EPO: variants seen among roughly 807,000 people sequenced by gnomAD.
EPO encodes the protein erythropoietin.
In EPO, 12 loss-of-function variants were observed where a neutral mutation model predicts 24.4. That is an observed-to-expected ratio of 0.49 (90% CI 0.32 to 0.80). The LOEUF (loss-of-function observed/expected upper bound fraction) is 0.80, where lower values mean the gene tolerates loss of function less well. EPO is among the 30% of genes least tolerant of loss of function. The pLI is 0.04. For synonymous variants in EPO, 107 were observed against 104.0 expected, an observed-to-expected ratio of 1.03 and a Z score of -0.18; for missense variants, 210 against 238.0, an observed-to-expected ratio of 0.88 and a Z score of 0.77.
At position 100,722,702 on chromosome 7, in the gene EPO, C is replaced by G; in HGVS notation, c.285C>G (p.Ala95=). The G allele has an allele frequency of 1.2e-6, 2 of 1,610,600 alleles. No homozygotes were observed. Among genetic ancestry groups the G allele is most frequent in the Non-Finnish European group, 1.7e-6 (2 of 1,179,454 alleles). ...CCGTAGAAGTCTGGCAGGGCCTGGCCCTGCTGTCGGAAGCTGTCCTGCGGG... is the reference window on the plus strand; with the variant it reads ...CCGTAGAAGTCTGGCAGGGCCTGGCGCTGCTGTCGGAAGCTGTCCTGCGGG... ...QQAVEVWQGL[A]LLSEAVLRGQ... Residue 95 remains alanine, a synonymous_variant, in exon 4 of 5, where the codon GCC becomes GCG. Transcript: ENST00000252723.
In EPO at chr7:100,721,819, G is replaced by GC. The variant is rs1368926770; in HGVS notation, c.159+122dup. On this transcript the variant is annotated intron_variant, in intron 2 of 4. Transcript: ENST00000252723. The surrounding 1 kb of genome is among the most constrained non-coding windows in gnomAD (Gnocchi z 4.0). ...GGGTGGAGTTGGGAAGCTAGACACT[G>GC]CCCCCCTACATAAGAATAAGTCTGG... The GC allele has an allele frequency of 1.3e-4, 195 of 1,498,890 alleles. No homozygotes were observed. Among genetic ancestry groups the GC allele is most frequent in the Non-Finnish European group, 1.7e-4 (186 of 1,117,674 alleles). 92.8% of individuals were successfully genotyped at this position (1,498,890 alleles called of 1,614,324 possible). A position where few individuals can be genotyped will look rare whatever the true frequency, so the allele number is the denominator to read the frequency against.
chr7:100,720,784 C>T lies in EPO; in HGVS notation c.-197C>T, dbSNP rs1268041315. 2 of 548,402 alleles carry T rather than the reference C, an allele frequency of 3.6e-6. No individual in the cohort carries two copies. The highest frequency in any genetic ancestry group is 1.0e-4 in the South Asian group (2 of 19,366). 34.0% of individuals were successfully genotyped at this position (548,402 alleles called of 1,614,324 possible). A position where few individuals can be genotyped will look rare whatever the true frequency, so the allele number is the denominator to read the frequency against. Reference sequence around the variant, plus strand: ...ACCCCGGCCGCTCGCTGCGCTGCGCCGCACCGCGCTGTCCTCCCGGAGCCG... The same window carrying T: ...ACCCCGGCCGCTCGCTGCGCTGCGCTGCACCGCGCTGTCCTCCCGGAGCCG... On this transcript the variant is annotated 5_prime_UTR_variant, in exon 1 of 5. Coordinates refer to ENST00000252723, the MANE Select transcript of EPO (RefSeq NM_000799.4).
rs1806744358 is a variant in EPO at position 100,721,779 on chromosome 7, C to T, written c.159+76C>T. The T allele has an allele frequency of 1.4e-5, 21 of 1,548,858 alleles. No homozygotes were observed. Among genetic ancestry groups the T allele is most frequent in the Non-Finnish European group, 1.7e-5 (20 of 1,152,706 alleles). ...GGGAACTCCTCCCAGATCCAGGAAC[C>T]TGGCACTTGGTTTGGGGTGGAGTTG... On this transcript the variant is annotated intron_variant, in intron 2 of 4. Coordinates refer to ENST00000252723, the MANE Select transcript of EPO (RefSeq NM_000799.4). This position sits in a 1 kb window ranked among gnomAD's most constrained non-coding sequence, Gnocchi z 4.0.
In EPO at chr7:100,722,798, T is replaced by C. The variant is rs1463829526; in HGVS notation, c.381T>C (p.Ser127=). Reference sequence around the variant, plus strand: ...AGCTGCATGTGGATAAAGCCGTCAGTGGCCTTCGCAGCCTCACCACTCTGC... The same window carrying C: ...AGCTGCATGTGGATAAAGCCGTCAGCGGCCTTCGCAGCCTCACCACTCTGC... ...PLQLHVDKAV[S]GLRSLTTLLR... Residue 127 remains serine (S), a synonymous_variant, in exon 4 of 5, where the codon AGT becomes AGC. Transcript: ENST00000252723. The C allele has an allele frequency of 6.2e-7, 1 of 1,614,090 alleles. No individual in the cohort carries two copies. The highest frequency in any genetic ancestry group is 2.2e-5 in the East Asian group (1 of 44,866).
In EPO at chr7:100,721,095, C is replaced by T; in HGVS notation, c.13+102C>T. 1 of 1,328,468 alleles carries T rather than the reference C, an allele frequency of 7.5e-7. No individual in the cohort carries two copies. The highest frequency in any genetic ancestry group is 9.9e-7 in the Non-Finnish European group (1 of 1,011,750). The allele number at this position is 1,328,468 out of a possible 1,614,324, so 82.3% of individuals were successfully genotyped here. On this transcript the variant is annotated intron_variant, in intron 1 of 4. Coordinates refer to ENST00000252723, the MANE Select transcript of EPO (RefSeq NM_000799.4). This position sits in a 1 kb window ranked among gnomAD's most constrained non-coding sequence, Gnocchi z 4.0. ...CCAGGAGGTGGCTGGGTTCAAGGAC[C>T]GGCGACTTGTCAAGGACCCCGGAAG...
At position 100,722,809 on chromosome 7, in the gene EPO, G is replaced by C. The variant is rs376551627; in HGVS notation, c.392G>C (p.Ser131Thr). 3.1e-5 allele frequency: 50 copies of C among 1,613,972 alleles called. No individual in the cohort carries two copies. The African/African-American group carries it at 6.0e-4, about 19-fold the overall frequency. The change falls in exon 4 of 5, where the codon AGC becomes ACC. Residue 131 changes from serine (S) to threonine (T), a missense_variant. Physicochemically the swap from Ser to Thr is moderately conservative, Grantham distance 58. Coordinates refer to ENST00000252723, the MANE Select transcript of EPO (RefSeq NM_000799.4). ...GATAAAGCCGTCAGTGGCCTTCGCAGCCTCACCACTCTGCTTCGGGCTCTG... is the reference window on the plus strand; with the variant it reads ...GATAAAGCCGTCAGTGGCCTTCGCACCCTCACCACTCTGCTTCGGGCTCTG... Reference protein sequence around the residue: ...HVDKAVSGLRSLTTLLRALGA... With the variant: ...HVDKAVSGLRTLTTLLRALGA...
At chr7:100,722,226 T>C (rs2131441083) in intron 3 of EPO, among the ~76,000 whole-genome samples, 178 bp downstream of exon 3, 1 of 152,206 alleles carries the variant, frequency 6.6e-6, no homozygotes, top group African/African-American at 2.4e-5. Context: ...ATGGGAGAAT[T>C]GCTTGAGCCC....
Position 100,721,511 on chromosome 7 carries a change from A to G in EPO, c.14-47A>G. 3 of 1,592,510 alleles carry G rather than the reference A, an allele frequency of 1.9e-6. No individual in the cohort carries two copies. Among genetic ancestry groups the G allele is most frequent in the Non-Finnish European group, 2.6e-6 (3 of 1,167,318 alleles). ...TGAAGGAAGCTGTCCTTCCACAGCC[A>G]CCCTTCTCCCTCCCCGCCTGACTCT... On this transcript the variant is annotated intron_variant, in intron 1 of 4. Coordinates refer to ENST00000252723, the MANE Select transcript of EPO (RefSeq NM_000799.4). This position sits in a 1 kb window ranked among gnomAD's most constrained non-coding sequence, Gnocchi z 4.0.
chr7:100,722,603 T>G, intron 3 of EPO, 61 bp from the exon 4 acceptor site: 1 of 1,464,240 alleles, frequency 6.8e-7, no homozygotes, highest in Non-Finnish European at 9.2e-7. Flanking sequence ...TTGGGGCTGC[T>G]GAGGGGCAGG....
Position 100,721,219 on chromosome 7 carries a change from G to A in EPO, c.13+226G>A, listed in dbSNP as rs886534968. On this transcript the variant is annotated intron_variant, in intron 1 of 4. Coordinates refer to ENST00000252723, the MANE Select transcript of EPO (RefSeq NM_000799.4). This position sits in a 1 kb window ranked among gnomAD's most constrained non-coding sequence, Gnocchi z 4.0. ...CCTGTGAAGGGGACACAGTTTGGGG[G>A]TTGAGGGGAAGAAGGTTTGGGGGTT... 3.3e-5 allele frequency among the ~76,000 whole-genome samples: 5 copies of A among 152,230 alleles called. No individual in the cohort carries two copies. In the East Asian group the frequency reaches 7.7e-4, roughly 24 times the overall value.
rs1168323994 is a variant in EPO at position 100,723,221 on chromosome 7, G to A, written c.*88G>A. On this transcript the variant is annotated 3_prime_UTR_variant, in exon 5 of 5. Coordinates refer to ENST00000252723, the MANE Select transcript of EPO (RefSeq NM_000799.4). ...TCCCCCGCCACTCCTGAACCCCGTC[G>A]AGGGGCTCTCAGCTCAGCGCCAGCC... 53 of 1,504,370 alleles carry A rather than the reference G, an allele frequency of 3.5e-5. No individual in the cohort carries two copies. Among genetic ancestry groups the A allele is most frequent in the South Asian group, 2.3e-4 (18 of 79,812 alleles). The allele number at this position is 1,504,370 out of a possible 1,614,324, so 93.2% of individuals were successfully genotyped here.
rs1806728014 is a variant in EPO, at chr7:100,720,828, C to G, written c.-153C>G. 3.2e-6 allele frequency: 3 copies of G among 931,380 alleles called. No individual in the cohort carries two copies. The highest frequency in any genetic ancestry group is 4.3e-6 in the Non-Finnish European group (3 of 696,496). 57.7% of individuals were successfully genotyped at this position (931,380 alleles called of 1,614,324 possible). A position where few individuals can be genotyped will look rare whatever the true frequency, so the allele number is the denominator to read the frequency against. On this transcript the variant is annotated 5_prime_UTR_variant, in exon 1 of 5. Coordinates refer to ENST00000252723, the MANE Select transcript of EPO (RefSeq NM_000799.4). The stretch of plus-strand genomic sequence containing the variant: ...GGAGCCGGACCGGGGCCACCGCGCC[C>G]GCTCTGCTCCGACACCGCGCCCCCT...
In EPO at chr7:100,722,970, C is replaced by T; in HGVS notation, c.427-8C>T. 1 of 1,613,662 alleles carries T rather than the reference C, an allele frequency of 6.2e-7. No homozygotes were observed. Among genetic ancestry groups the T allele is most frequent in the South Asian group, 1.1e-5 (1 of 90,994 alleles). On this transcript the variant is annotated splice_polypyrimidine_tract_variant and splice_region_variant and intron_variant, in intron 4 of 4. Transcript: ENST00000252723. Reference sequence around the variant, plus strand: ...CACTGCAGCGACCTCCTGTTTTCTCCTTGGCAGAAGGAAGCCATCTCCCCT... The same window carrying T: ...CACTGCAGCGACCTCCTGTTTTCTCTTTGGCAGAAGGAAGCCATCTCCCCT...
At position 100,720,629 on chromosome 7, in the gene EPO, C is replaced by CA. The variant is rs1186256377; in HGVS notation, c.-352_-351insA. Among the ~76,000 whole-genome samples, 7 of 152,104 alleles carry CA rather than the reference C, an allele frequency of 4.6e-5. No homozygotes were observed. The highest frequency in any genetic ancestry group is 1.3e-4 in the Admixed American group (2 of 15,280). On this transcript the variant is annotated 5_prime_UTR_variant, in exon 1 of 5. It removes the in-frame stop codon of an upstream open reading frame in the 5' UTR. Transcript: ENST00000252723. ...CCTCAACCCAGGCGTCCTGCCCCTG[C>CA]TCTGACCCCGGGTGGCCCCTACCCC... is the stretch of plus-strand genomic sequence containing the variant.
intron 4 of EPO, 48 bp from the exon 5 acceptor site, chr7:100,722,930 C>T: frequency 6.2e-7 from 1 of 1,610,630 alleles, no homozygotes; most frequent in South Asian, 1.1e-5. Flanking sequence ...GTCCGTATTC[C>T]TTCCCTTTCT....
rs1358477509 is a variant in EPO at position 100,721,445 on chromosome 7, G to A, written c.14-113G>A. 6.3e-6 allele frequency: 9 copies of A among 1,423,056 alleles called. No homozygotes were observed. Among genetic ancestry groups the A allele is most frequent in the Non-Finnish European group, 7.6e-6 (8 of 1,051,976 alleles). 88.2% of individuals were successfully genotyped at this position (1,423,056 alleles called of 1,614,324 possible). Reference sequence around the variant, plus strand: ...GAGGCAGCACCTGAGTGCTTGCATGGTTGGGGACAGGAAGGACGAGCTGGG... The same window carrying A: ...GAGGCAGCACCTGAGTGCTTGCATGATTGGGGACAGGAAGGACGAGCTGGG... On this transcript the variant is annotated intron_variant, in intron 1 of 4. Coordinates refer to ENST00000252723, the MANE Select transcript of EPO (RefSeq NM_000799.4). The surrounding 1 kb of genome is among the most constrained non-coding windows in gnomAD (Gnocchi z 4.0).
In EPO at chr7:100,723,245, C is replaced by A; in HGVS notation, c.*112C>A. On this transcript the variant is annotated 3_prime_UTR_variant, in exon 5 of 5. Coordinates refer to ENST00000252723, the MANE Select transcript of EPO (RefSeq NM_000799.4). ...CGAGGGGCTCTCAGCTCAGCGCCAGCCTGTCCCATGGACACTCCAGTGCCA... is the reference window on the plus strand; with the variant it reads ...CGAGGGGCTCTCAGCTCAGCGCCAGACTGTCCCATGGACACTCCAGTGCCA... 7.7e-7 allele frequency: 1 copy of A among 1,306,836 alleles called. No individual in the cohort carries two copies. Among genetic ancestry groups the A allele is most frequent in the Non-Finnish European group, 1.1e-6 (1 of 941,058 alleles). 81.0% of individuals were successfully genotyped at this position (1,306,836 alleles called of 1,614,324 possible). A position where few individuals can be genotyped will look rare whatever the true frequency, so the allele number is the denominator to read the frequency against.
rs1474220572 is a variant in EPO, at chr7:100,720,976, C to T, written c.-5C>T. 1.3e-6 allele frequency: 2 copies of T among 1,574,156 alleles called. No homozygotes were observed. The highest frequency in any genetic ancestry group is 2.4e-5 in the East Asian group (1 of 42,164). ...GTCGCTGAGGGACCCCGGCCAGGCG[C>T]GGAGATGGGGGTGCACGGTGAGTAC... is the stretch of plus-strand genomic sequence containing the variant. On this transcript the variant is annotated 5_prime_UTR_variant, in exon 1 of 5. Coordinates refer to ENST00000252723, the MANE Select transcript of EPO (RefSeq NM_000799.4).
Position 100,722,734 on chromosome 7 carries a change from C to T in EPO, c.317C>T (p.Ala106Val). Residue 106 changes from alanine to valine, a missense_variant, in exon 4 of 5, where the codon GCC becomes GTC. Physicochemically the swap from Ala to Val is moderately conservative, Grantham distance 64. Coordinates refer to ENST00000252723, the MANE Select transcript of EPO (RefSeq NM_000799.4). ...LLSEAVLRGQ[A>V]LLVNSSQPWE... ...TCGGAAGCTGTCCTGCGGGGCCAGG[C>T]CCTGTTGGTCAACTCTTCCCAGCCG... The T allele has an allele frequency of 1.2e-6, 2 of 1,613,724 alleles. No individual in the cohort carries two copies. Among genetic ancestry groups the T allele is most frequent in the Non-Finnish European group, 1.7e-6 (2 of 1,179,960 alleles).
Sources: gnomAD v4.1 joint callset for allele counts (sites outside exome capture counted in the v4.1 genomes callset) on GRCh38, gnomAD v4.1.1 for gene constraint, Gnocchi (gnomAD v3.1) non-coding constraint, MANE v1.5 for transcripts, NCBI Gene and HGNC (gene_info 2026-07-23, HGNC 2026-07-21) for gene names.